FGGY: variants seen among roughly 807,000 people sequenced by gnomAD.
FGGY encodes the protein FGGY carbohydrate kinase domain containing.
FGGY carries 72 observed loss-of-function variants against 71.3 expected under a neutral mutation model. The ratio of observed to expected loss-of-function variants is 1.01; its 90% CI spans 0.84 to 1.23. FGGY has a LOEUF of 1.23. Ranked by LOEUF, FGGY falls within the 50% of genes most tolerant of loss-of-function variation. The probability of loss-of-function intolerance (pLI) is 0.00; values close to 1 mark genes in which losing one functional copy is unlikely to be tolerated. For synonymous variants in FGGY, 251 were observed against 250.3 expected (o/e 1.00, Z -0.02); for missense variants, 668 against 682.3 (o/e 0.98, Z 0.23).
intron 2 of FGGY, among the ~76,000 whole-genome samples, chr1:59,325,214 A>G (rs1301853943): frequency 6.6e-6 from 1 of 151,548 alleles, no homozygotes; most frequent in Non-Finnish European, 1.5e-5. Flanking sequence ...AAAATTAACC[A>G]GGTGTGGTGG....
intron 12 of FGGY, 74 bp downstream of exon 12, chr1:59,660,367 T>TA: frequency 9.3e-7 from 1 of 1,072,608 alleles, no homozygotes; most frequent in Non-Finnish European, 1.4e-6. Flanking sequence ...CTCCCCAAGA[T>TA]ACAGCACATG....
intron 7 of FGGY, among the ~76,000 whole-genome samples, chr1:59,519,426 G>A (rs2153644078): frequency 6.6e-6 from 1 of 152,272 alleles, no homozygotes. Flanking sequence ...GCCGTGTATG[G>A]AAGGCTTTGG....
intron 4 of FGGY, among the ~76,000 whole-genome samples, chr1:59,373,329 C>A (rs909998402): frequency 6.6e-6 from 1 of 152,106 alleles, no homozygotes; most frequent in African/African-American, 2.4e-5. Flanking sequence ...GAATAAAATA[C>A]CTAGGAATCC....
At chr1:59,726,303 T>C (rs1226456794) in intron 14 of FGGY, among the ~76,000 whole-genome samples, 1 of 152,172 alleles carries the variant, frequency 6.6e-6, no homozygotes, top group Admixed American at 6.5e-5. Context: ...ATATAATTCC[T>C]TTTACACGTT....
At chr1:59,540,510 A>G (rs2095423807) in intron 7 of FGGY, among the ~76,000 whole-genome samples, 1 of 152,146 alleles carries the variant, frequency 6.6e-6, no homozygotes, top group East Asian at 1.9e-4. Flanking sequence ...AATTAAGCAA[A>G]TCCTGTGGTG....
intron 7 of FGGY, among the ~76,000 whole-genome samples, chr1:59,546,511 G>T (rs1166816372): frequency 1.4e-5 from 2 of 146,196 alleles, no homozygotes; most frequent in African/African-American, 5.2e-5. Flanking sequence ...TGATGATGAT[G>T]ATGATGATGA....
In FGGY at chr1:59,557,452, A is replaced by C. The variant is rs187181437; in HGVS notation, c.903+3225A>C. ...ACCACATAAGTGAGTATTGGTAAAT[A>C]CTTAGAAGCTTCGTACCTCCAGGTT... On this transcript the variant is annotated intron_variant, in intron 8 of 15. Transcript: ENST00000303721. 7.2e-5 allele frequency among the ~76,000 whole-genome samples: 11 copies of C among 152,332 alleles called. 1 individual carries two copies. The East Asian group carries it at 1.7e-3, about 24-fold the overall frequency.
intron 3 of FGGY, among the ~76,000 whole-genome samples, chr1:59,344,905 T>C (rs1386283438): frequency 6.6e-6 from 1 of 152,192 alleles, no homozygotes; most frequent in African/African-American, 2.4e-5. Context: ...TGACTCTGTG[T>C]TTTAAAGTAT....
At chr1:59,340,516 G>A (rs900796905) in intron 3 of FGGY, among the ~76,000 whole-genome samples, 1 of 152,190 alleles carries the variant, frequency 6.6e-6, no homozygotes, top group African/African-American at 2.4e-5. Flanking sequence ...GTGACAGATA[G>A]AAGGTAGAAG....
intron 5 of FGGY, among the ~76,000 whole-genome samples, chr1:59,419,710 G>C (rs755192087): frequency 6.6e-5 from 10 of 152,174 alleles, no homozygotes; most frequent in Admixed American, 1.3e-4. Flanking sequence ...ACTACTAATT[G>C]ATGATTTTAG....
At chr1:59,298,983 G>A (rs2042365541) in intron 1 of FGGY, among the ~76,000 whole-genome samples, 1 of 152,222 alleles carries the variant, frequency 6.6e-6, no homozygotes, top group Non-Finnish European at 1.5e-5. Flanking sequence ...CTGCTTTCAA[G>A]CTTTCATCCA....
intron 7 of FGGY, among the ~76,000 whole-genome samples, chr1:59,523,223 G>A (rs554465398): frequency 4.3e-4 from 65 of 152,322 alleles, no homozygotes; most frequent in African/African-American, 1.4e-3. Context: ...TTGCACTTGC[G>A]TCACTGGCTG....
At chr1:59,585,843 A>G (rs1043554020) in intron 8 of FGGY, among the ~76,000 whole-genome samples, 9 of 152,310 alleles carry the variant, frequency 5.9e-5, no homozygotes, top group African/African-American at 1.7e-4. Context: ...CCCATCAACA[A>G]TTGGGTGAAG....
intron 8 of FGGY, among the ~76,000 whole-genome samples, chr1:59,566,050 G>A (rs2095867911): frequency 6.6e-6 from 1 of 152,148 alleles, no homozygotes; most frequent in Admixed American, 6.5e-5. Context: ...TGGAGAGCAT[G>A]ATGAAAACCA....
intron 1 of FGGY, among the ~76,000 whole-genome samples, chr1:59,300,394 A>G (rs1245862581): frequency 2.0e-5 from 3 of 152,128 alleles, no homozygotes; most frequent in Non-Finnish European, 2.9e-5. Flanking sequence ...TAAGTTCTTT[A>G]TCACGTGTAA....
chr1:59,427,188 T>A (rs1034031076), intron 5 of FGGY, among the ~76,000 whole-genome samples: 2 of 152,180 alleles, frequency 1.3e-5, no homozygotes, highest in East Asian at 3.8e-4. Context: ...CAAAGACAGC[T>A]GGGAACTCAG....
At chr1:59,448,769 A>G (rs2071933688) in intron 5 of FGGY, among the ~76,000 whole-genome samples, 1 of 152,182 alleles carries the variant, frequency 6.6e-6, no homozygotes, top group African/African-American at 2.4e-5. Flanking sequence ...GACCTTATAT[A>G]CTGAAATTTC....
chr1:59,461,296 C>T (rs1167722192), intron 6 of FGGY, among the ~76,000 whole-genome samples: 1 of 152,066 alleles, frequency 6.6e-6, no homozygotes, highest in Non-Finnish European at 1.5e-5. Flanking sequence ...ATAGCCAATT[C>T]AATCAAGTGG....
intron 7 of FGGY, among the ~76,000 whole-genome samples, chr1:59,544,563 G>C (rs889730590): frequency 6.6e-6 from 1 of 152,146 alleles, no homozygotes; most frequent in African/African-American, 2.4e-5. Context: ...GATTTTCTCA[G>C]ATACCTTCAG....
Sources: gnomAD v4.1 joint callset for allele counts (sites outside exome capture counted in the v4.1 genomes callset) on GRCh38, gnomAD v4.1.1 for gene constraint, MANE v1.5 for transcripts, NCBI Gene and HGNC (gene_info 2026-07-23, HGNC 2026-07-21) for gene names.